RORB: variants seen among roughly 807,000 people sequenced by gnomAD.
RORB encodes RAR related orphan receptor B.
In RORB, 6 loss-of-function variants were observed where a neutral mutation model predicts 59.1. That is an observed-to-expected ratio of 0.10 (90% CI 0.06 to 0.20). RORB has a LOEUF of 0.20. Ranked by LOEUF, RORB falls within the 10% of genes least tolerant of loss-of-function variation. RORB has a pLI of 1.00. For missense variants in RORB, 320 were observed against 560.5 expected (o/e 0.57, Z 4.33); for synonymous variants, 215 against 204.5 (o/e 1.05, Z -0.44).
Position 74,600,730 on chromosome 9 carries a change from A to G in RORB, c.8-29552A>G, listed in dbSNP as rs190292466. Among the ~76,000 whole-genome samples the G allele has an allele frequency of 5.5e-3, 837 of 152,358 alleles. 7 individuals carry two copies. Among genetic ancestry groups the G allele is most frequent in the Admixed American group, 6.9e-3 (105 of 15,300 alleles). On this transcript the variant is annotated intron_variant, in intron 1 of 9. Coordinates refer to ENST00000376896, the MANE Select transcript of RORB (RefSeq NM_006914.4). ...ATATATTGAAATTTTTTCTTGAAGT[A>G]TAAGTCCTATTTTATCAGTACATCT...
chr9:74,563,326 C>T (rs1486342049), intron 1 of RORB, among the ~76,000 whole-genome samples: 1 of 151,978 alleles, frequency 6.6e-6, no homozygotes, highest in Non-Finnish European at 1.5e-5. Flanking sequence ...GCTAGGACTA[C>T]AGGCACCTGC....
intron 1 of RORB, among the ~76,000 whole-genome samples, chr9:74,590,564 T>C (rs747161244): frequency 9.9e-5 from 15 of 152,094 alleles, no homozygotes; most frequent in Non-Finnish European, 1.9e-4. Flanking sequence ...AGATAATCCA[T>C]ATAAAATGCC....
chr9:74,586,507 G>GAAAAT (rs1476861912), intron 1 of RORB, among the ~76,000 whole-genome samples: 1 of 150,672 alleles, frequency 6.6e-6, no homozygotes. Flanking sequence ...GAAAAGAAAA[G>GAAAAT]AAAAAAGAGA....
At chr9:74,653,649 G>C (rs1418418264) in intron 4 of RORB, among the ~76,000 whole-genome samples, 1 of 152,074 alleles carries the variant, frequency 6.6e-6, no homozygotes, top group Non-Finnish European at 1.5e-5. Context: ...GCATGCAGTT[G>C]GGCCTCCGGT....
chr9:74,660,523 A>G lies in RORB; in HGVS notation c.638-94A>G. On this transcript the variant is annotated intron_variant, in intron 4 of 9. Transcript: ENST00000376896. ...AAAGACACTTTAATACAATAGGAGT[A>G]TCTCCAAAAGGCATTCTTATAGTAA... The G allele has an allele frequency of 2.7e-6, 3 of 1,118,422 alleles. No homozygotes were observed. In the East Asian group the frequency reaches 7.5e-5, roughly 28 times the overall value. The allele number at this position is 1,118,422 out of a possible 1,614,324, so 69.3% of individuals were successfully genotyped here.
intron 8 of RORB, among the ~76,000 whole-genome samples, chr9:74,671,054 G>A (rs895148715): frequency 6.6e-6 from 1 of 151,818 alleles, no homozygotes; most frequent in African/African-American, 2.4e-5. Flanking sequence ...TTGTCACCGT[G>A]GTGTATAAAT....
intron 8 of RORB, 127 bp downstream of exon 8, chr9:74,668,028 T>G: frequency 1.6e-6 from 1 of 619,468 alleles, no homozygotes; most frequent in Non-Finnish European, 2.9e-6. Context: ...TTTACCAAGT[T>G]TTTGATATTT....
At position 74,685,802 on chromosome 9, in the gene RORB, ATTTG is replaced by A. The variant is rs1021824741; in HGVS notation, c.*196_*199del. On this transcript the variant is annotated 3_prime_UTR_variant, in exon 10 of 10. Transcript: ENST00000376896. The stretch of plus-strand genomic sequence containing the variant: ...ATATGCACCTGAGTGGGGCTCTTTT[ATTTG>A]TTTGTTTGTTTTTGAAATGACCATA... 14 of 405,672 alleles carry A rather than the reference ATTTG, an allele frequency of 3.5e-5. No homozygotes were observed. Among genetic ancestry groups the A allele is most frequent in the African/African-American group, 1.8e-4 (9 of 48,824 alleles). The allele number at this position is 405,672 out of a possible 1,614,324, so 25.1% of individuals were successfully genotyped here.
chr9:74,577,750 G>A (rs1362968107), intron 1 of RORB, among the ~76,000 whole-genome samples: 3 of 151,988 alleles, frequency 2.0e-5, no homozygotes, highest in African/African-American at 7.2e-5. Context: ...CTATAAAATG[G>A]AGGCAAAAAC....
rs1216769850 is a variant in RORB, at chr9:74,685,564, T to C, written c.1326T>C (p.Phe442=). Residue 442 remains phenylalanine (F), a synonymous_variant, in exon 10 of 10, where the codon TTT becomes TTC. Coordinates refer to ENST00000376896, the MANE Select transcript of RORB (RefSeq NM_006914.4). ...QSHPEIVNTL[F]PPLYKELFNP... ...ATCCAGAGATAGTGAATACACTGTT[T>C]CCTCCGTTATACAAGGAGCTCTTTA... The C allele has an allele frequency of 6.2e-7, 1 of 1,612,530 alleles. No individual in the cohort carries two copies. Among genetic ancestry groups the C allele is most frequent in the Non-Finnish European group, 8.5e-7 (1 of 1,178,834 alleles).
At chr9:74,607,076 G>C (rs545442168) in intron 1 of RORB, among the ~76,000 whole-genome samples, 1 of 152,088 alleles carries the variant, frequency 6.6e-6, no homozygotes, top group Non-Finnish European at 1.5e-5. Flanking sequence ...TTATAGCCAC[G>C]TCTCCTGGAT....
rs764708787 is a variant in RORB, at chr9:74,630,319, T to C, written c.45T>C (p.Asp15=). The C allele has an allele frequency of 1.9e-6, 3 of 1,613,694 alleles. No homozygotes were observed. The East Asian group carries it at 6.7e-5, about 36-fold the overall frequency. ...IEVIPCKICG[D]KSSGIHYGVI... is the part of the protein sequence containing the mutation. Reference sequence around the variant, plus strand: ...TGATACCATGCAAAATTTGTGGCGATAAGTCCTCTGGGATCCACTACGGAG... The same window carrying C: ...TGATACCATGCAAAATTTGTGGCGACAAGTCCTCTGGGATCCACTACGGAG... The change falls in exon 2 of 10, where the codon GAT becomes GAC. Residue 15 remains aspartate (D), a synonymous_variant. Transcript: ENST00000376896.
intron 2 of RORB, among the ~76,000 whole-genome samples, chr9:74,630,901 G>A (rs1015461059): frequency 1.3e-5 from 2 of 151,572 alleles, no homozygotes; most frequent in South Asian, 2.1e-4. Context: ...ACTCTAAATC[G>A]ACTAAAATTC....
chr9:74,512,603 G>A (rs1243013115), intron 1 of RORB, among the ~76,000 whole-genome samples: 1 of 152,106 alleles, frequency 6.6e-6, no homozygotes, highest in Non-Finnish European at 1.5e-5. Flanking sequence ...CACAGGTAGA[G>A]GTCAGGAATG....
intron 1 of RORB, among the ~76,000 whole-genome samples, chr9:74,614,266 G>A (rs143623054): frequency 3.2e-4 from 48 of 152,238 alleles, no homozygotes; most frequent in Admixed American, 5.2e-4. Flanking sequence ...GGGGTAGTAC[G>A]GAGGGCTGAG....
At position 74,644,048 on chromosome 9, in the gene RORB, C is replaced by T. The variant is rs531444012; in HGVS notation, c.637+1233C>T. 3.9e-5 allele frequency among the ~76,000 whole-genome samples: 6 copies of T among 152,308 alleles called. No homozygotes were observed. The South Asian group carries it at 1.2e-3, about 32-fold the overall frequency. ...CTATTACTGTTTTATGCTACATGCTCGGTCACCTTCTCTGTCTAACCTGCA... is the reference window on the plus strand; with the variant it reads ...CTATTACTGTTTTATGCTACATGCTTGGTCACCTTCTCTGTCTAACCTGCA... On this transcript the variant is annotated intron_variant, in intron 4 of 9. Coordinates refer to ENST00000376896, the MANE Select transcript of RORB (RefSeq NM_006914.4).
At chr9:74,682,652 A>G (rs1199811516) in intron 9 of RORB, among the ~76,000 whole-genome samples, 1 of 152,172 alleles carries the variant, frequency 6.6e-6, no homozygotes, top group Non-Finnish European at 1.5e-5. Flanking sequence ...GAGCACATGG[A>G]ACCTTTCCTC....
At chr9:74,600,916 A>T (rs1260999480) in intron 1 of RORB, among the ~76,000 whole-genome samples, 3 of 152,226 alleles carry the variant, frequency 2.0e-5, no homozygotes, top group Non-Finnish European at 2.9e-5. Context: ...TACAAAACAC[A>T]TAAGAGCCAA....
intron 1 of RORB, among the ~76,000 whole-genome samples, chr9:74,500,019 G>C (rs1363073286): frequency 6.6e-6 from 1 of 152,140 alleles, no homozygotes; most frequent in Non-Finnish European, 1.5e-5. Flanking sequence ...TCGCCACGGC[G>C]GTCGCTTTGA....
Sources: allele counts gnomAD v4.1 joint callset (sites outside exome capture counted in the v4.1 genomes callset), GRCh38; gene constraint gnomAD v4.1.1; transcripts MANE v1.5; gene names NCBI Gene and HGNC (gene_info 2026-07-23, HGNC 2026-07-21).